Variants in EXT1 observed in about 807,000 individuals in gnomAD.
EXT1 encodes exostosin-1.
A neutral mutation model predicts 82.5 loss-of-function variants in EXT1; 20 were observed. That is an observed-to-expected ratio of 0.24 (90% CI 0.17 to 0.35). The LOEUF is 0.35. Ranked by LOEUF, EXT1 falls within the 10% of genes least tolerant of loss-of-function variation. The pLI is 1.00. For synonymous variants in EXT1, 348 were observed against 350.8 expected, an observed-to-expected ratio of 0.99 and a Z score of 0.09; for missense variants, 757 against 936.5, an observed-to-expected ratio of 0.81 and a Z score of 2.50.
intron 1 of EXT1, among the ~76,000 whole-genome samples, chr8:118,102,921 G>A (rs954410424): frequency 4.6e-5 from 7 of 152,158 alleles, no homozygotes; most frequent in African/African-American, 7.2e-5. Flanking sequence ...TTGGGAGGCC[G>A]AGGTGGGCGG....
chr8:117,830,105 C>T, intron 4 of EXT1, 125 bp downstream of exon 4: 1 of 1,226,076 alleles, frequency 8.2e-7, no homozygotes. Flanking sequence ...ACCAATATAT[C>T]CAAGTACAGG....
intron 1 of EXT1, among the ~76,000 whole-genome samples, chr8:118,058,799 T>C (rs984039784): frequency 2.0e-5 from 3 of 152,294 alleles, no homozygotes; most frequent in East Asian, 3.9e-4. Flanking sequence ...GATATAGATA[T>C]ACATAACTGA....
intron 10 of EXT1, among the ~76,000 whole-genome samples, chr8:117,801,544 C>CA (rs1171118974): frequency 6.6e-6 from 1 of 151,916 alleles, no homozygotes; most frequent in Non-Finnish European, 1.5e-5. Flanking sequence ...CTCACTCTGT[C>CA]ACGCAGGCTG....
chr8:117,933,905 C>G (rs1435404473), intron 1 of EXT1, among the ~76,000 whole-genome samples: 1 of 152,110 alleles, frequency 6.6e-6, no homozygotes, highest in Admixed American at 6.5e-5. Context: ...TCCTGCTGTC[C>G]AGCCTTGCTC....
At chr8:117,939,813 T>G (rs951550298) in intron 1 of EXT1, among the ~76,000 whole-genome samples, 7 of 152,202 alleles carry the variant, frequency 4.6e-5, no homozygotes, top group African/African-American at 1.2e-4. Flanking sequence ...CTCCTTCCCT[T>G]GTCAATTCCT....
intron 1 of EXT1, among the ~76,000 whole-genome samples, chr8:117,904,369 T>C (rs866792332): frequency 1.3e-5 from 2 of 152,226 alleles, no homozygotes; most frequent in South Asian, 2.1e-4. Context: ...CAGGCAGCTA[T>C]GGTGTATTTT....
intron 1 of EXT1, among the ~76,000 whole-genome samples, chr8:117,851,624 C>A (rs1047577696): frequency 5.8e-5 from 5 of 86,172 alleles, no homozygotes; most frequent in African/African-American, 3.1e-4. Flanking sequence ...TGGACACACA[C>A]ACACACACAC....
chr8:118,015,138 C>G (rs1051710014), intron 1 of EXT1, among the ~76,000 whole-genome samples: 2 of 152,176 alleles, frequency 1.3e-5, no homozygotes, highest in African/African-American at 2.4e-5. Context: ...AGACAGGCAA[C>G]CAGAAGTAAT....
intron 1 of EXT1, among the ~76,000 whole-genome samples, chr8:118,094,003 G>A (rs138346562): frequency 1.2e-3 from 178 of 152,310 alleles, no homozygotes; most frequent in Non-Finnish European, 1.9e-3. Flanking sequence ...GCCCCTGCAC[G>A]GTGGAATCAC....
chr8:117,826,646 G>T (rs902241767), intron 4 of EXT1, among the ~76,000 whole-genome samples: 3 of 152,128 alleles, frequency 2.0e-5, no homozygotes, highest in Non-Finnish European at 4.4e-5. Flanking sequence ...GAGTTATGAA[G>T]TATTTTGGGA....
At chr8:117,927,054 T>C (rs1375982942) in intron 1 of EXT1, among the ~76,000 whole-genome samples, 2 of 152,348 alleles carry the variant, frequency 1.3e-5, no homozygotes, top group South Asian at 2.1e-4. Context: ...CTGTGTGGGA[T>C]AGGCACAGTA....
In EXT1 at chr8:118,110,718, T is replaced by C. The variant is rs1178109514; in HGVS notation, c.329A>G (p.Lys110Arg). ...MESCFDFTLC[K>R]KNGFKVYVYP... is the part of the protein sequence containing the mutation. Reference sequence around the variant, plus strand: ...TACGTAGACTTTGAAGCCGTTTTTCTTGCAAAGGGTGAAATCGAAGCAGGA... The same window carrying C: ...TACGTAGACTTTGAAGCCGTTTTTCCTGCAAAGGGTGAAATCGAAGCAGGA... The change falls in exon 1 of 11, where the codon AAG (lysine) becomes AGG (arginine). Residue 110 changes from lysine (K) to arginine (R), a missense_variant. This residue lies in a region of EXT1 where 175 missense variants were observed against 159.0 expected (regional missense o/e 1.10). Coordinates refer to ENST00000378204, the MANE Select transcript of EXT1 (RefSeq NM_000127.3). The C allele has an allele frequency of 2.5e-6, 4 of 1,614,178 alleles. No individual in the cohort carries two copies. The East Asian group carries it at 8.9e-5, about 36-fold the overall frequency.
At chr8:117,858,810 C>CAGGAAGGAAGGA (rs71307408) in intron 1 of EXT1, among the ~76,000 whole-genome samples, 8 of 34,354 alleles carry the variant, frequency 2.3e-4, no homozygotes, top group African/African-American at 4.0e-4. Flanking sequence ...CAAGGCAAGG[C>CAGGAAGGAAGGA]AGGAAGGAAG....
At chr8:118,094,854 G>C (rs1203265256) in intron 1 of EXT1, among the ~76,000 whole-genome samples, 1 of 152,128 alleles carries the variant, frequency 6.6e-6, no homozygotes, top group South Asian at 2.1e-4. Context: ...CAACCTCCCT[G>C]GATCTCTACT....
intron 1 of EXT1, among the ~76,000 whole-genome samples, chr8:118,039,818 T>C (rs966336458): frequency 6.6e-6 from 1 of 152,120 alleles, no homozygotes; most frequent in African/African-American, 2.4e-5. Context: ...GGCCTGATGA[T>C]TTCTTCCAGG....
intron 1 of EXT1, among the ~76,000 whole-genome samples, chr8:118,015,654 T>A (rs1013934337): frequency 6.6e-6 from 1 of 152,146 alleles, no homozygotes; most frequent in South Asian, 2.1e-4. Context: ...AAAGACGGCA[T>A]CTAAACTAAG....
intron 1 of EXT1, among the ~76,000 whole-genome samples, chr8:117,975,681 C>T (rs907582742): frequency 6.6e-6 from 1 of 152,132 alleles, no homozygotes; most frequent in South Asian, 2.1e-4. Context: ...TCATTTTCTG[C>T]CCCCACCACC....
chr8:117,923,420 C>T (rs752581086), intron 1 of EXT1, among the ~76,000 whole-genome samples: 11 of 151,272 alleles, frequency 7.3e-5, no homozygotes, highest in Non-Finnish European at 1.5e-4. Context: ...AGCATGTTTA[C>T]TTGACTTAAA....
At chr8:117,927,424 A>AT (rs1813974433) in intron 1 of EXT1, among the ~76,000 whole-genome samples, 1 of 1,336 alleles carries the variant, frequency 7.5e-4, no homozygotes, top group African/African-American at 6.4e-3. Flanking sequence ...GGGAAAAAAA[A>AT]AAAATCACAA....
Sources: gnomAD v4.1 joint callset for allele counts (sites outside exome capture counted in the v4.1 genomes callset) on GRCh38, gnomAD v4.1.1 for gene constraint, gnomAD v4.1.1 regional missense constraint, MANE v1.5 for transcripts, NCBI Gene and HGNC (gene_info 2026-07-23, HGNC 2026-07-21) for gene names.